The following PSD3 variants were observed in gnomAD, a reference collection of about 807,000 sequenced individuals.
PSD3 encodes the protein PH and SEC7 domain-containing protein 3.
In PSD3, 49 loss-of-function variants were observed where a neutral mutation model predicts 105.5. That is an observed-to-expected ratio of 0.46 (90% CI 0.37 to 0.59). The LOEUF (loss-of-function observed/expected upper bound fraction) is 0.59. Among genes scored for constraint, PSD3 ranks in the 20% least tolerant of loss-of-function variants. The pLI is 0.00. For missense variants in PSD3, 1,561 were observed against 1,263.8 expected (o/e 1.24, Z -3.57); for synonymous variants, 557 against 457.8 (o/e 1.22, Z -2.77).
At chr8:18,759,646 G>C (rs56910862) in intron 9 of PSD3, among the ~76,000 whole-genome samples, 9,445 of 152,192 alleles carry the variant, frequency 0.062, 451 homozygotes, top group East Asian at 0.21. Context: ...TTAAATGGTA[G>C]ATGGCAATGG....
At chr8:19,050,293 C>T (rs550764117) in intron 1 of PSD3, among the ~76,000 whole-genome samples, 42 of 131,254 alleles carry the variant, frequency 3.2e-4, no homozygotes, top group East Asian at 1.2e-3. Flanking sequence ...TCACAATCTA[C>T]GCCCATGCCC....
At chr8:18,554,830 G>C (rs1454112821) in intron 15 of PSD3, among the ~76,000 whole-genome samples, 1 of 152,078 alleles carries the variant, frequency 6.6e-6, no homozygotes, top group Non-Finnish European at 1.5e-5. Flanking sequence ...TTTCATAGGA[G>C]GAATTTGGGC....
intron 11 of PSD3, among the ~76,000 whole-genome samples, chr8:18,614,899 G>A (rs755931980): frequency 2.3e-4 from 35 of 151,804 alleles, no homozygotes; most frequent in Admixed American, 5.9e-4. Context: ...GCCTCCCTAA[G>A]TGTTGAAATT....
intron 4 of PSD3, among the ~76,000 whole-genome samples, chr8:18,824,360 A>T (rs969594404): frequency 6.6e-6 from 1 of 152,208 alleles, no homozygotes; most frequent in African/African-American, 2.4e-5. Flanking sequence ...AGAGAAAAGA[A>T]ATGATAAATT....
At chr8:18,616,112 G>C (rs770339723) in intron 11 of PSD3, among the ~76,000 whole-genome samples, 1 of 152,354 alleles carries the variant, frequency 6.6e-6, no homozygotes, top group African/African-American at 2.4e-5. Flanking sequence ...CCTCATTACA[G>C]GGCGAGGGCT....
intron 1 of PSD3, among the ~76,000 whole-genome samples, chr8:19,000,407 A>AAG (rs1455884807): frequency 1.3e-5 from 2 of 150,088 alleles, no homozygotes; most frequent in South Asian, 4.3e-4. Context: ...AAAAAAAAAA[A>AAG]AGAGAGAGAA....
chr8:19,065,053 C>T (rs1029464225), intron 1 of PSD3, among the ~76,000 whole-genome samples: 2 of 152,122 alleles, frequency 1.3e-5, no homozygotes, highest in Non-Finnish European at 2.9e-5. Flanking sequence ...TCACAGCAAC[C>T]ACTAGGAAGG....
At chr8:18,855,219 C>A (rs1163517105) in intron 4 of PSD3, among the ~76,000 whole-genome samples, 1 of 152,178 alleles carries the variant, frequency 6.6e-6, no homozygotes, top group African/African-American at 2.4e-5. Flanking sequence ...AAAAATTATA[C>A]ACTCGAAGAA....
At chr8:18,537,949 T>G (rs1251260973) in intron 15 of PSD3, among the ~76,000 whole-genome samples, 3 of 152,222 alleles carry the variant, frequency 2.0e-5, no homozygotes, top group Non-Finnish European at 4.4e-5. Flanking sequence ...AGTGCTGGGA[T>G]TACAGGCGTG....
chr8:18,729,575 G>A (rs1490766667), intron 9 of PSD3, among the ~76,000 whole-genome samples: 3 of 152,194 alleles, frequency 2.0e-5, no homozygotes, highest in Non-Finnish European at 4.4e-5. Context: ...AGACAAAAAA[G>A]GGTACAGTGC....
chr8:19,078,917 T>C (rs1043812422), intron 1 of PSD3, among the ~76,000 whole-genome samples: 1 of 151,056 alleles, frequency 6.6e-6, no homozygotes, highest in Admixed American at 6.6e-5. Flanking sequence ...AGAGGAGAGA[T>C]GAAAAACAAG....
chr8:18,660,413 C>T (rs1585534737), intron 9 of PSD3, among the ~76,000 whole-genome samples: 1 of 152,240 alleles, frequency 6.6e-6, no homozygotes, highest in East Asian at 1.9e-4. Flanking sequence ...TTTTAAGACA[C>T]CAAGTTTGTG....
At chr8:18,709,753 T>G (rs1260892507) in intron 9 of PSD3, among the ~76,000 whole-genome samples, 1 of 152,046 alleles carries the variant, frequency 6.6e-6, no homozygotes, top group Non-Finnish European at 1.5e-5. Context: ...AGCAGCCCTA[T>G]GGAAGAGGGA....
chr8:18,967,372 C>A (rs1282015911), intron 1 of PSD3, among the ~76,000 whole-genome samples: 1 of 152,048 alleles, frequency 6.6e-6, no homozygotes, highest in African/African-American at 2.4e-5. Flanking sequence ...TCAGGCTGGT[C>A]TCAAACTCCC....
intron 10 of PSD3, 95 bp from the exon 11 acceptor site, chr8:18,632,901 T>A: frequency 1.0e-6 from 1 of 971,136 alleles, no homozygotes; most frequent in Non-Finnish European, 1.5e-6. Context: ...TGTATTCCAA[T>A]GGTGTATCAC....
At position 18,683,804 on chromosome 8, in the gene PSD3, G is replaced by A. The variant is rs578171709; in HGVS notation, c.2173-28119C>T. ...TCTCCTTAGCAGAAAACTCTGAGGAGTTGGAAATTTTCATGGACTTTGACC... is the reference window on the plus strand; with the variant it reads ...TCTCCTTAGCAGAAAACTCTGAGGAATTGGAAATTTTCATGGACTTTGACC... On this transcript the variant is annotated intron_variant, in intron 9 of 15. Transcript: ENST00000327040. 2.2e-5 allele frequency: 17 copies of A among 765,328 alleles called. No homozygotes were observed. In the East Asian group the frequency reaches 4.1e-4, roughly 19 times the overall value. 47.4% of individuals were successfully genotyped at this position (765,328 alleles called of 1,614,324 possible).
intron 1 of PSD3, among the ~76,000 whole-genome samples, chr8:19,001,311 T>C (rs1371900332): frequency 6.6e-6 from 1 of 151,728 alleles, no homozygotes; most frequent in Non-Finnish European, 1.5e-5. Flanking sequence ...CCCAGGCCCG[T>C]AGACTTTATT....
At chr8:18,799,588 G>T (rs930834561) in intron 7 of PSD3, among the ~76,000 whole-genome samples, 1 of 152,138 alleles carries the variant, frequency 6.6e-6, no homozygotes, top group African/African-American at 2.4e-5. Context: ...GGACAGTTTG[G>T]TAGTAGATAT....
intron 9 of PSD3, among the ~76,000 whole-genome samples, chr8:18,715,861 A>T (rs985852891): frequency 5.9e-5 from 9 of 152,376 alleles, no homozygotes; most frequent in African/African-American, 1.9e-4. Flanking sequence ...AGTCCCTACT[A>T]TGTGACAGGC....
Sources: gnomAD v4.1 joint callset for allele counts (sites outside exome capture counted in the v4.1 genomes callset) on GRCh38, gnomAD v4.1.1 for gene constraint, MANE v1.5 for transcripts, NCBI Gene and HGNC (gene_info 2026-07-23, HGNC 2026-07-21) for gene names.